Variants in RNGTT observed in about 807,000 individuals in gnomAD.
RNGTT encodes mRNA-capping enzyme.
A neutral mutation model predicts 79.3 loss-of-function variants in RNGTT; 33 were observed. The ratio of observed to expected loss-of-function variants is 0.42; its 90% CI spans 0.32 to 0.56. RNGTT has a LOEUF of 0.56. RNGTT is among the 20% of genes least tolerant of loss of function. RNGTT has a pLI of 0.17. For synonymous variants in RNGTT, 222 were observed against 235.9 expected (o/e 0.94, Z 0.54); for missense variants, 497 against 739.1 (o/e 0.67, Z 3.80).
At chr6:88,803,938 G>A (rs571030715) in intron 11 of RNGTT, among the ~76,000 whole-genome samples, 91 of 152,154 alleles carry the variant, frequency 6.0e-4, no homozygotes, top group Non-Finnish European at 1.0e-3. Context: ...GTATTTAAAG[G>A]ACTGAAAATT....
intron 11 of RNGTT, among the ~76,000 whole-genome samples, chr6:88,809,372 TACAGAAC>T (rs1165046634): frequency 6.6e-6 from 1 of 152,026 alleles, no homozygotes; most frequent in African/African-American, 2.4e-5. Context: ...TGAAAAGACT[TACAGAAC>T]ACAAGCAGAC....
intron 13 of RNGTT, among the ~76,000 whole-genome samples, chr6:88,706,116 T>C (rs562553669): frequency 3.9e-5 from 6 of 152,098 alleles, no homozygotes; most frequent in Non-Finnish European, 7.4e-5. Flanking sequence ...ATTGTTCTCA[T>C]GACTTTAAGA....
At chr6:88,911,522 T>G (rs1158263642) in intron 4 of RNGTT, among the ~76,000 whole-genome samples, 1 of 151,864 alleles carries the variant, frequency 6.6e-6, no homozygotes, top group African/African-American at 2.4e-5. Context: ...CTCAATAAAT[T>G]TTTTTTTAAT....
intron 13 of RNGTT, among the ~76,000 whole-genome samples, chr6:88,691,733 A>G (rs1417328905): frequency 6.6e-6 from 1 of 152,222 alleles, no homozygotes; most frequent in African/African-American, 2.4e-5. Flanking sequence ...AACTTCCTAC[A>G]TGGGTATTGT....
At chr6:88,624,888 T>C (rs1332283616) in intron 14 of RNGTT, among the ~76,000 whole-genome samples, 2 of 151,620 alleles carry the variant, frequency 1.3e-5, no homozygotes, top group Non-Finnish European at 3.0e-5. Flanking sequence ...AACAAACAAC[T>C]AAATTTAAAA....
At position 88,791,364 on chromosome 6, in the gene RNGTT, C is replaced by T. The variant is rs180846857; in HGVS notation, c.1338+10200G>A. Among the ~76,000 whole-genome samples, 46 of 151,902 alleles carry T rather than the reference C, an allele frequency of 3.0e-4. No individual in the cohort carries two copies. In the East Asian group the frequency reaches 6.4e-3, roughly 21 times the overall value. On this transcript the variant is annotated intron_variant, in intron 12 of 15. Transcript: ENST00000369485. The stretch of plus-strand genomic sequence containing the variant: ...GTGCTGCCCAGGCTTATCTCAGACT[C>T]CTGGGCTCAAGTGATCCGCCCACCT...
intron 13 of RNGTT, among the ~76,000 whole-genome samples, chr6:88,725,661 G>C (rs1049705790): frequency 6.6e-5 from 10 of 152,142 alleles, no homozygotes; most frequent in African/African-American, 2.4e-4. Context: ...ATCCCCATGA[G>C]GGGGAGTTGA....
At chr6:88,779,068 A>AT (rs34276497) in intron 12 of RNGTT, among the ~76,000 whole-genome samples, 20,820 of 152,088 alleles carry the variant, frequency 0.14, 1,567 homozygotes, top group Middle Eastern at 0.24. Context: ...AAATATAGTC[A>AT]TTTTCCTAGT....
At chr6:88,688,009 T>G (rs1313708141) in intron 13 of RNGTT, among the ~76,000 whole-genome samples, 1 of 152,132 alleles carries the variant, frequency 6.6e-6, no homozygotes, top group Non-Finnish European at 1.5e-5. Context: ...TATTTACAAA[T>G]GAATAATACA....
chr6:88,935,614 T>C (rs1197654837), intron 2 of RNGTT, among the ~76,000 whole-genome samples: 1 of 152,186 alleles, frequency 6.6e-6, no homozygotes, highest in Non-Finnish European at 1.5e-5. Context: ...AAAAATGTCA[T>C]TGGTATTTTA....
intron 8 of RNGTT, among the ~76,000 whole-genome samples, chr6:88,875,071 G>A (rs1028193489): frequency 6.6e-6 from 1 of 151,820 alleles, no homozygotes; most frequent in African/African-American, 2.4e-5. Flanking sequence ...ACCTTCTAAA[G>A]CTTACAGTAG....
At chr6:88,665,474 G>A (rs944412579) in intron 14 of RNGTT, among the ~76,000 whole-genome samples, 1 of 152,166 alleles carries the variant, frequency 6.6e-6, no homozygotes, top group Non-Finnish European at 1.5e-5. Context: ...GGCCAGTACA[G>A]GACTTGCGAT....
intron 13 of RNGTT, among the ~76,000 whole-genome samples, chr6:88,755,186 T>C (rs193202634): frequency 5.3e-5 from 8 of 152,210 alleles, no homozygotes; most frequent in Non-Finnish European, 1.2e-4. Context: ...ACGTTAGCAG[T>C]TAGGCAAAAA....
intron 13 of RNGTT, among the ~76,000 whole-genome samples, chr6:88,755,560 G>C (rs1777983572): frequency 6.6e-6 from 1 of 152,044 alleles, no homozygotes; most frequent in Admixed American, 6.6e-5. Flanking sequence ...AAAAGCTAGG[G>C]GGGAATGGGT....
chr6:88,926,548 A>G (rs1350255644), intron 4 of RNGTT, among the ~76,000 whole-genome samples: 1 of 152,164 alleles, frequency 6.6e-6, no homozygotes, highest in Admixed American at 6.5e-5. Context: ...TGTTTATTTT[A>G]ATATTTAAAT....
intron 13 of RNGTT, among the ~76,000 whole-genome samples, chr6:88,760,741 A>G (rs1304145679): frequency 2.6e-5 from 4 of 152,178 alleles, no homozygotes; most frequent in African/African-American, 9.7e-5. Flanking sequence ...TCAGCAAAGT[A>G]GTAAGACTTT....
chr6:88,917,661 C>A (rs547599517), intron 4 of RNGTT, among the ~76,000 whole-genome samples: 18 of 152,234 alleles, frequency 1.2e-4, no homozygotes, highest in Non-Finnish European at 2.2e-4. Flanking sequence ...CTGAGGGTGG[C>A]GGATCACTTG....
At chr6:88,625,946 T>C (rs1001377147) in intron 14 of RNGTT, among the ~76,000 whole-genome samples, 10 of 152,142 alleles carry the variant, frequency 6.6e-5, no homozygotes, top group Non-Finnish European at 1.3e-4. Context: ...TTGTTGATTA[T>C]TGATTTGTCA....
chr6:88,952,939 G>A (rs1202504311), intron 1 of RNGTT, among the ~76,000 whole-genome samples: 8 of 152,130 alleles, frequency 5.3e-5, no homozygotes, highest in Admixed American at 2.6e-4. Context: ...CAACATCAAG[G>A]GATCAGCCTG....
Sources: gnomAD v4.1 joint callset for allele counts (sites outside exome capture counted in the v4.1 genomes callset) on GRCh38, gnomAD v4.1.1 for gene constraint, MANE v1.5 for transcripts, NCBI Gene and HGNC (gene_info 2026-07-23, HGNC 2026-07-21) for gene names.